Variants in ANKS1A observed in about 807,000 individuals in gnomAD.
ANKS1A encodes the protein ankyrin repeat and sterile alpha motif domain containing 1A, also known as ankyrin repeat and SAM domain-containing protein 1A.
In ANKS1A, 55 loss-of-function variants were observed where a neutral mutation model predicts 120.3. The ratio of observed to expected loss-of-function variants is 0.46; its 90% CI spans 0.37 to 0.57. The LOEUF (loss-of-function observed/expected upper bound fraction) is 0.57. Ranked by LOEUF, ANKS1A falls within the 20% of genes least tolerant of loss-of-function variation. The probability of loss-of-function intolerance (pLI) is 0.00; values close to 1 mark genes in which losing one functional copy is unlikely to be tolerated. For synonymous variants in ANKS1A, 590 were observed against 604.7 expected (o/e 0.98, Z 0.36); for missense variants, 1,123 against 1,480.3 (o/e 0.76, Z 3.96).
At position 35,061,089 on chromosome 6, in the gene ANKS1A, G is replaced by A. The variant is rs80265089; in HGVS notation, c.2184+836G>A. Among the ~76,000 whole-genome samples the A allele has an allele frequency of 4.3e-3, 661 of 152,330 alleles. 3 individuals are homozygous for A. Among genetic ancestry groups the A allele is most frequent in the African/African-American group, 0.014 (574 of 41,578 alleles). On this transcript the variant is annotated intron_variant, in intron 13 of 23. Transcript: ENST00000360359. Reference sequence around the variant, plus strand: ...CTTGGCGCCGTTCTTAGTGGTTTGCGTGAATTAGCTCATTGAATCTTCCCA... The same window carrying A: ...CTTGGCGCCGTTCTTAGTGGTTTGCATGAATTAGCTCATTGAATCTTCCCA...
At chr6:34,991,716 A>G (rs1772561691) in intron 9 of ANKS1A, among the ~76,000 whole-genome samples, 1 of 118,338 alleles carries the variant, frequency 8.5e-6, no homozygotes, top group Non-Finnish European at 1.8e-5. Flanking sequence ...ATATACACAT[A>G]TATATACATA....
At position 34,977,963 on chromosome 6, in the gene ANKS1A, T is replaced by C. The variant is rs538903367; in HGVS notation, c.436-3727T>C. Among the ~76,000 whole-genome samples, 7 of 151,728 alleles carry C rather than the reference T, an allele frequency of 4.6e-5. No homozygotes were observed. The South Asian group carries it at 1.5e-3, about 32-fold the overall frequency. ...AAAGGTCGGGAAAAAGTTTCTTTCT[T>C]CCTTTTTTTTTTTGAGATGGAGTCT... On this transcript the variant is annotated intron_variant, in intron 3 of 23. Transcript: ENST00000360359.
In ANKS1A at chr6:35,082,020, AT is replaced by A. The variant is rs1777710616; in HGVS notation, c.2710-666del. Among the ~76,000 whole-genome samples the A allele has an allele frequency of 6.6e-6, 1 of 152,068 alleles. No homozygotes were observed. Among genetic ancestry groups the A allele is most frequent in the South Asian group, 2.1e-4 (1 of 4,810 alleles). On this transcript the variant is annotated intron_variant, in intron 17 of 23. Transcript: ENST00000360359. The surrounding 1 kb of genome is among the most constrained non-coding windows in gnomAD (Gnocchi z 4.1). Reference sequence around the variant, plus strand: ...CAAGCACAGCCATGAGTTTTAAAGGATTTTTAAACACATTGTCCAGCAATTC... The same window carrying A: ...CAAGCACAGCCATGAGTTTTAAAGGATTTTAAACACATTGTCCAGCAATTC...
intron 3 of ANKS1A, among the ~76,000 whole-genome samples, chr6:34,976,637 G>A (rs963363369): frequency 3.3e-5 from 5 of 151,618 alleles, no homozygotes; most frequent in African/African-American, 1.2e-4. Context: ...TCACCTGCAA[G>A]CTTCTAAAAA....
In ANKS1A at chr6:34,982,001, G is replaced by A. The variant is rs1771928549; in HGVS notation, c.732+15G>A. Reference sequence around the variant, plus strand: ...GCAACTACCAGGTAGCAGGGCGGGTGGGGGCTCCTCCAATCTCAAGAGACT... The same window carrying A: ...GCAACTACCAGGTAGCAGGGCGGGTAGGGGCTCCTCCAATCTCAAGAGACT... On this transcript the variant is annotated intron_variant, in intron 4 of 23. Coordinates refer to ENST00000360359, the MANE Select transcript of ANKS1A (RefSeq NM_015245.3). The surrounding 1 kb of genome is among the most constrained non-coding windows in gnomAD (Gnocchi z 4.9). 6.2e-7 allele frequency: 1 copy of A among 1,612,404 alleles called. No individual in the cohort carries two copies.
intron 11 of ANKS1A, among the ~76,000 whole-genome samples, chr6:35,037,220 A>G (rs1236667138): frequency 6.6e-6 from 1 of 152,236 alleles, no homozygotes; most frequent in African/African-American, 2.4e-5. Context: ...AAGTTTTTAT[A>G]GTTTTTCCCT....
chr6:35,013,415 C>G (rs1215875314), intron 10 of ANKS1A, among the ~76,000 whole-genome samples: 3 of 152,264 alleles, frequency 2.0e-5, no homozygotes, highest in East Asian at 3.9e-4. Context: ...CCATCTCAAC[C>G]TCCCAAGTAG....
At chr6:34,946,080 A>C (rs868769305) in intron 1 of ANKS1A, among the ~76,000 whole-genome samples, 8 of 150,936 alleles carry the variant, frequency 5.3e-5, no homozygotes. Flanking sequence ...TCCCAGGTTC[A>C]AGCAGTTCTC....
At position 34,980,825 on chromosome 6, in the gene ANKS1A, C is replaced by T. The variant is rs571099925; in HGVS notation, c.436-865C>T. The stretch of plus-strand genomic sequence containing the variant: ...TGCCTCTGGTGGTTGATAAAGCACA[C>T]AATTCTCCCATTTTATCCCAAATTC... On this transcript the variant is annotated intron_variant, in intron 3 of 23. Coordinates refer to ENST00000360359, the MANE Select transcript of ANKS1A (RefSeq NM_015245.3). 1.4e-4 allele frequency among the ~76,000 whole-genome samples: 21 copies of T among 152,338 alleles called. No homozygotes were observed. The East Asian group carries it at 4.0e-3, about 29-fold the overall frequency.
chr6:35,083,302 T>C, intron 19 of ANKS1A, 76 bp downstream of exon 19: 2 of 1,594,610 alleles, frequency 1.3e-6, no homozygotes, highest in Non-Finnish European at 1.7e-6. Context: ...GTAGCTGCAG[T>C]TGCCTGGGCC....
chr6:34,994,529 T>C (rs1366917153), intron 10 of ANKS1A, 107 bp downstream of exon 10: 2 of 1,490,196 alleles, frequency 1.3e-6, no homozygotes. Context: ...CCTTGGGTTG[T>C]GGTGGTTGGG....
At position 34,889,375 on chromosome 6, in the gene ANKS1A, G is replaced by C. The variant is rs1482788073; in HGVS notation, c.-28G>C. ...GCAGGCTCGGCTGCAGCCTCGGGGA[G>C]GGGGTCCAGCGGGTGGCGGCCCTGG... On this transcript the variant is annotated 5_prime_UTR_variant, in exon 1 of 24. Transcript: ENST00000360359. This position sits in a 1 kb window ranked among gnomAD's most constrained non-coding sequence, Gnocchi z 5.5. 3 of 1,253,808 alleles carry C rather than the reference G, an allele frequency of 2.4e-6. No homozygotes were observed. The Admixed American group carries it at 1.3e-4, about 53-fold the overall frequency. The allele number at this position is 1,253,808 out of a possible 1,614,324, so 77.7% of individuals were successfully genotyped here. A position where few individuals can be genotyped will look rare whatever the true frequency, so the allele number is the denominator to read the frequency against.
chr6:35,078,706 C>T (rs1777500107), intron 14 of ANKS1A, 50 bp downstream of exon 14: 1 of 1,532,282 alleles, frequency 6.5e-7, no homozygotes, highest in Non-Finnish European at 8.9e-7. Context: ...CCAGGGCCAC[C>T]TCCCTAGCAC....
chr6:35,096,824 T>C, the ANKS1A span, among the ~76,000 whole-genome samples: 4 of 152,162 alleles, frequency 2.6e-5, no homozygotes, highest in Non-Finnish European at 5.9e-5. Context: ...CCCATTCTTA[T>C]GCATATTTTT....
chr6:34,925,682 C>T (rs1050923632), intron 1 of ANKS1A, among the ~76,000 whole-genome samples: 2 of 152,072 alleles, frequency 1.3e-5, no homozygotes, highest in Non-Finnish European at 2.9e-5. Flanking sequence ...ATACTGGGTG[C>T]GGAGAGGGAT....
At chr6:34,989,907 A>G (rs190689679) in intron 9 of ANKS1A, among the ~76,000 whole-genome samples, 14 of 152,282 alleles carry the variant, frequency 9.2e-5, no homozygotes, top group African/African-American at 2.2e-4. Flanking sequence ...AAATAACTCA[A>G]TCACTTAGAA....
chr6:35,006,678 C>T (rs560172276), intron 10 of ANKS1A, among the ~76,000 whole-genome samples: 1 of 152,244 alleles, frequency 6.6e-6, no homozygotes, highest in East Asian at 1.9e-4. Context: ...TGGCATGAAC[C>T]CGGGAGGCAG....
chr6:34,907,229 A>G (rs898484687), intron 1 of ANKS1A, among the ~76,000 whole-genome samples: 12 of 152,192 alleles, frequency 7.9e-5, no homozygotes, highest in Non-Finnish European at 1.2e-4. Context: ...TCCTGGAACA[A>G]GGGACATGAA....
intron 1 of ANKS1A, among the ~76,000 whole-genome samples, chr6:34,913,824 G>C (rs1189682870): frequency 1.3e-5 from 2 of 152,064 alleles, no homozygotes; most frequent in Non-Finnish European, 2.9e-5. Context: ...GTAGAGATGG[G>C]GTTTCACCAT....
Sources: allele counts gnomAD v4.1 joint callset (sites outside exome capture counted in the v4.1 genomes callset), GRCh38; gene constraint gnomAD v4.1.1; non-coding constraint Gnocchi (gnomAD v3.1); transcripts MANE v1.5; gene names NCBI Gene and HGNC (gene_info 2026-07-23, HGNC 2026-07-21).